Variants in DISP3 observed in about 807,000 individuals in gnomAD.
DISP3 encodes the protein protein dispatched homolog 3.
Under a neutral mutation model 135.3 loss-of-function variants are expected in DISP3, and 101 were observed. The ratio of observed to expected loss-of-function variants is 0.75; its 90% CI spans 0.64 to 0.88. The LOEUF is 0.88. DISP3 is among the 40% of genes least tolerant of loss of function. DISP3 has a pLI of 0.00. For synonymous variants in DISP3, 856 were observed against 817.0 expected, an observed-to-expected ratio of 1.05 and a Z score of -0.81; for missense variants, 1,713 against 1,878.6, an observed-to-expected ratio of 0.91 and a Z score of 1.63.
At position 11,520,764 on chromosome 1, in the gene DISP3, T is replaced by C; in HGVS notation, c.2278T>C (p.Phe760Leu). 1.3e-5 allele frequency: 21 copies of C among 1,613,614 alleles called. No homozygotes were observed. Among genetic ancestry groups the C allele is most frequent in the Non-Finnish European group, 1.8e-5 (21 of 1,179,994 alleles). Residue 760 changes from phenylalanine (F) to leucine (L), a missense_variant, in exon 10 of 21, where the codon TTC becomes CTC. This residue lies in a region of DISP3 where 1,142 missense variants were observed against 1,384.6 expected (regional missense o/e 0.82). Transcript: ENST00000294484. This position sits in a 1 kb window ranked among gnomAD's most constrained non-coding sequence, Gnocchi z 4.8. ...LRPASRAPLLFRPDTNIQVLL... is the reference protein window; with the variant it reads ...LRPASRAPLLLRPDTNIQVLL... ...CCCCGCCAGCCGGGCCCCGCTACTC[T>C]TCCGGCCTGATACCAACATCCAGGT...
chr1:11,490,269 T>TTTTG (rs911624885), intron 1 of DISP3, among the ~76,000 whole-genome samples: 1 of 152,074 alleles, frequency 6.6e-6, no homozygotes, highest in African/African-American at 2.4e-5. Context: ...TTGTTTTTGT[T>TTTTG]TTTGTTTTTG....
In DISP3 at chr1:11,526,762, G is replaced by T; in HGVS notation, c.2725G>T (p.Ala909Ser). The change falls in exon 13 of 21, where the codon GCC becomes TCC. Residue 909 changes from alanine to serine, a missense_variant. By Grantham distance (99) the Ala-to-Ser change is moderately conservative. Around this residue, in one of 2 missense-constraint regions of DISP3, gnomAD observed 1,142 missense variants for 1,384.6 expected, o/e 0.82. Transcript: ENST00000294484. ...PSRKWMLTTL[A>S]CDAKRGWKFD... Reference sequence around the variant, plus strand: ...CCGCAAGTGGATGCTGACGACCTTGGCCTGTGATGCCAAGCGGGGCTGGAA... The same window carrying T: ...CCGCAAGTGGATGCTGACGACCTTGTCCTGTGATGCCAAGCGGGGCTGGAA... 2.0e-5 allele frequency: 32 copies of T among 1,613,796 alleles called. No homozygotes were observed. Among genetic ancestry groups the T allele is most frequent in the Non-Finnish European group, 2.6e-5 (31 of 1,180,030 alleles).
intron 10 of DISP3, among the ~76,000 whole-genome samples, chr1:11,523,681 G>T (rs1045693335): frequency 6.6e-6 from 1 of 151,688 alleles, no homozygotes; most frequent in African/African-American, 2.4e-5. Flanking sequence ...GGCACAGAGA[G>T]GGCGAGCAGG....
chr1:11,525,436 C>T lies in DISP3; in HGVS notation c.2613+124C>T, dbSNP rs539257734. On this transcript the variant is annotated intron_variant, in intron 12 of 20. Coordinates refer to ENST00000294484, the MANE Select transcript of DISP3 (RefSeq NM_020780.2). ...AAGCAGCTTTGAGGATGAAGACCCC[C>T]CTCCCCTAAACCAGCCATGTCTGTG... 6 of 1,233,882 alleles carry T rather than the reference C, an allele frequency of 4.9e-6. No homozygotes were observed. The South Asian group carries it at 1.0e-4, about 20-fold the overall frequency. 76.4% of individuals were successfully genotyped at this position (1,233,882 alleles called of 1,614,324 possible).
In DISP3 at chr1:11,501,706, C is replaced by A. The variant is rs372733155; in HGVS notation, c.714C>A (p.Pro238=). Residue 238 remains proline (P), a synonymous_variant, in exon 2 of 21, where the codon CCC becomes CCA. Transcript: ENST00000294484. The surrounding 1 kb of genome is among the most constrained non-coding windows in gnomAD (Gnocchi z 4.9). ...GGCGGTACCAGCCCAGCATCCCGCC[C>A]CACGCGGCAGTCGCGGCCAATCAGA... The part of the protein sequence containing the change: ...KNGRYQPSIP[P]HAAVAANQSR... The A allele has an allele frequency of 6.2e-7, 1 of 1,601,128 alleles. No individual in the cohort carries two copies. Among genetic ancestry groups the A allele is most frequent in the Admixed American group, 1.7e-5 (1 of 58,576 alleles).
Position 11,531,778 on chromosome 1 carries a change from A to T in DISP3, c.3375+68A>T, listed in dbSNP as rs2100514371. On this transcript the variant is annotated intron_variant, in intron 17 of 20. Transcript: ENST00000294484. This position sits in a 1 kb window ranked among gnomAD's most constrained non-coding sequence, Gnocchi z 5.2. ...CCCGGGGTGTGCCACCTCTGATCCC[A>T]GCCCTCTTCCCAGATCGGGGGGGAG... 6.6e-7 allele frequency: 1 copy of T among 1,521,708 alleles called. No homozygotes were observed. Among genetic ancestry groups the T allele is most frequent in the East Asian group, 2.3e-5 (1 of 43,798 alleles). 94.3% of individuals were successfully genotyped at this position (1,521,708 alleles called of 1,614,324 possible).
intron 1 of DISP3, among the ~76,000 whole-genome samples, chr1:11,493,899 TC>T (rs1456687278): frequency 6.6e-6 from 1 of 152,216 alleles, no homozygotes; most frequent in African/African-American, 2.4e-5. Context: ...GTGGGAGACT[TC>T]CTTTACATCA....
At chr1:11,494,479 T>C (rs565810328) in intron 1 of DISP3, among the ~76,000 whole-genome samples, 22 of 152,362 alleles carry the variant, frequency 1.4e-4, no homozygotes, top group African/African-American at 4.8e-4. Flanking sequence ...TTCTGATGAC[T>C]GGCACATAGC....
At chr1:11,509,184 A>C (rs2100434061) in intron 3 of DISP3, among the ~76,000 whole-genome samples, 1 of 152,040 alleles carries the variant, frequency 6.6e-6, no homozygotes, top group African/African-American at 2.4e-5. Flanking sequence ...TGTGTTATTT[A>C]GTTTTCGAAT....
chr1:11,480,356 C>CA (rs968067490), intron 1 of DISP3, among the ~76,000 whole-genome samples: 6 of 152,156 alleles, frequency 3.9e-5, no homozygotes, highest in Non-Finnish European at 7.4e-5. Context: ...TGCGCACACA[C>CA]ATATCTACAG....
intron 3 of DISP3, among the ~76,000 whole-genome samples, chr1:11,506,131 T>C (rs1175514122): frequency 1.3e-5 from 2 of 152,248 alleles, no homozygotes; most frequent in African/African-American, 4.8e-5. Context: ...TGTAAATCTT[T>C]TTTGTTGTGC....
At position 11,531,408 on chromosome 1, in the gene DISP3, G is replaced by T. The variant is rs561788416; in HGVS notation, c.3230-157G>T. ...GGGCCCACAGGTCATGTTCCACCCCGATGGCAAATGCATGTTGTAGGTTTC... is the reference window on the plus strand; with the variant it reads ...GGGCCCACAGGTCATGTTCCACCCCTATGGCAAATGCATGTTGTAGGTTTC... On this transcript the variant is annotated intron_variant, in intron 16 of 20. Coordinates refer to ENST00000294484, the MANE Select transcript of DISP3 (RefSeq NM_020780.2). The surrounding 1 kb of genome is among the most constrained non-coding windows in gnomAD (Gnocchi z 5.2). 6.6e-6 allele frequency among the ~76,000 whole-genome samples: 1 copy of T among 152,166 alleles called. No individual in the cohort carries two copies. Among genetic ancestry groups the T allele is most frequent in the African/African-American group, 2.4e-5 (1 of 41,442 alleles).
At chr1:11,514,700 G>T (rs1001704112) in intron 4 of DISP3, among the ~76,000 whole-genome samples, 174 bp downstream of exon 4, 8 of 152,254 alleles carry the variant, frequency 5.3e-5, no homozygotes, top group African/African-American at 1.9e-4. Flanking sequence ...CTGAGGCCTG[G>T]AGGCAGGTTG....
At chr1:11,490,458 G>A (rs894444392) in intron 1 of DISP3, among the ~76,000 whole-genome samples, 2 of 152,066 alleles carry the variant, frequency 1.3e-5, no homozygotes, top group African/African-American at 2.4e-5. Flanking sequence ...TAGTAGAAAC[G>A]GGGTTTCATC....
In DISP3 at chr1:11,516,268, A is replaced by T. The variant is rs1458828780; in HGVS notation, c.1749+107A>T. ...CCGCTTGAGTGGCCATATAGCCTTC[A>T]CCTCAAGGTACTTGCCCTGGCTCTA... On this transcript the variant is annotated intron_variant, in intron 6 of 20. Coordinates refer to ENST00000294484, the MANE Select transcript of DISP3 (RefSeq NM_020780.2). This position sits in a 1 kb window ranked among gnomAD's most constrained non-coding sequence, Gnocchi z 5.1. 2 of 1,339,688 alleles carry T rather than the reference A, an allele frequency of 1.5e-6. No individual in the cohort carries two copies. Among genetic ancestry groups the T allele is most frequent in the Non-Finnish European group, 2.0e-6 (2 of 979,828 alleles). 83.0% of individuals were successfully genotyped at this position (1,339,688 alleles called of 1,614,324 possible). A position where few individuals can be genotyped will look rare whatever the true frequency, so the allele number is the denominator to read the frequency against.
At chr1:11,523,627 G>T in intron 10 of DISP3, among the ~76,000 whole-genome samples, 1 of 136,840 alleles carries the variant, frequency 7.3e-6, no homozygotes, top group Admixed American at 7.3e-5. Context: ...GAGACGGCGA[G>T]CAGGGGGCAG....
chr1:11,488,637 C>CTGTGTGTGTGTGTGTGTGTG (rs5772457), intron 1 of DISP3, among the ~76,000 whole-genome samples: 1 of 146,420 alleles, frequency 6.8e-6, no homozygotes, highest in East Asian at 2.0e-4. Flanking sequence ...GGCAGATGCT[C>CTGTGTGTGTGTGTGTGTGTG]TGTGTGTGTG....
chr1:11,480,676 T>TGC (rs1196169806), intron 1 of DISP3, among the ~76,000 whole-genome samples: 5 of 49,606 alleles, frequency 1.0e-4, no homozygotes, highest in Admixed American at 2.6e-4. Context: ...AGCGCGCGCG[T>TGC]GCACACACAC....
Position 11,535,456 on chromosome 1 carries a change from C to G in DISP3, c.3650-22C>G, listed in dbSNP as rs370814141. On this transcript the variant is annotated intron_variant, in intron 19 of 20. Transcript: ENST00000294484. ...CTCCAGGGCGGGGGATCCGAGCTGC[C>G]CCCCCTGCTGTCTCCTTGCAGGCAT... The G allele has an allele frequency of 2.9e-5, 46 of 1,588,772 alleles. No homozygotes were observed. In the African/African-American group the frequency reaches 4.0e-4, roughly 14 times the overall value.
Sources: gnomAD v4.1 joint callset for allele counts (sites outside exome capture counted in the v4.1 genomes callset) on GRCh38, gnomAD v4.1.1 for gene constraint, gnomAD v4.1.1 regional missense constraint, Gnocchi (gnomAD v3.1) non-coding constraint, MANE v1.5 for transcripts, NCBI Gene and HGNC (gene_info 2026-07-23, HGNC 2026-07-21) for gene names.